The following SHISA9 variants were observed in gnomAD, a reference collection of about 807,000 sequenced individuals.
SHISA9 encodes the protein shisa family member 9, also known as protein shisa-9.
SHISA9 carries 13 observed loss-of-function variants against 38.0 expected under a neutral mutation model. The ratio of observed to expected loss-of-function variants is 0.34; its 90% confidence interval spans 0.22 to 0.54. SHISA9 has a LOEUF of 0.54. Among genes scored for constraint, SHISA9 ranks in the 20% least tolerant of loss-of-function variants. The pLI is 0.91. For synonymous variants in SHISA9, 275 were observed against 242.0 expected, an observed-to-expected ratio of 1.14 and a Z score of -1.27; for missense variants, 538 against 575.8, an observed-to-expected ratio of 0.93 and a Z score of 0.67.
At chr16:13,202,279 C>G (rs2051013318) in intron 2 of SHISA9, among the ~76,000 whole-genome samples, 1 of 130,648 alleles carries the variant, frequency 7.7e-6, no homozygotes, top group Non-Finnish European at 1.7e-5. Context: ...CCATCCAGCT[C>G]CACGGCTTTT....
the SHISA9 span, among the ~76,000 whole-genome samples, chr16:13,462,622 C>T: frequency 6.6e-6 from 1 of 151,850 alleles, no homozygotes; most frequent in East Asian, 1.9e-4. Context: ...GTCACGAGTT[C>T]GAAACCAGCC....
chr16:13,107,448 A>C (rs2073937143), intron 2 of SHISA9, among the ~76,000 whole-genome samples: 1 of 144,084 alleles, frequency 6.9e-6, no homozygotes, highest in Non-Finnish European at 1.5e-5. Flanking sequence ...AAAAACAAAC[A>C]AACAAACAAA....
intron 2 of SHISA9, chr16:13,203,086 T>G (rs2051021747): frequency 4.8e-6 from 1 of 207,408 alleles, no homozygotes; most frequent in Non-Finnish European, 9.6e-6. Context: ...TGGGCATCTT[T>G]TTATACAAAT....
chr16:13,120,265 T>G lies in SHISA9; in HGVS notation c.692-83129T>G, dbSNP rs2074072522. 1.3e-5 allele frequency among the ~76,000 whole-genome samples: 2 copies of G among 152,230 alleles called. 1 individual carries two copies. The highest frequency in any genetic ancestry group is 1.3e-4 in the Admixed American group (2 of 15,284). ...AACCCCATGGGGCTGTTGATAGTAG[T>G]GCAGTGAAAGCTGATAGATTCCATT... On this transcript the variant is annotated intron_variant, in intron 2 of 4. Coordinates refer to ENST00000558583, the MANE Select transcript of SHISA9 (RefSeq NM_001145204.3).
intron 2 of SHISA9, among the ~76,000 whole-genome samples, chr16:12,920,763 G>A (rs1173171970): frequency 2.0e-5 from 3 of 152,162 alleles, no homozygotes; most frequent in Admixed American, 6.5e-5. Context: ...AGAAATCAAC[G>A]TGAGTACTTT....
the SHISA9 span, among the ~76,000 whole-genome samples, chr16:13,357,363 A>C: frequency 6.6e-6 from 1 of 152,298 alleles, no homozygotes; most frequent in South Asian, 2.1e-4. Flanking sequence ...GCTAAGATTG[A>C]AAGGAGAAAG....
At chr16:13,159,944 A>G (rs1198374050) in intron 2 of SHISA9, among the ~76,000 whole-genome samples, 1 of 152,282 alleles carries the variant, frequency 6.6e-6, no homozygotes, top group Non-Finnish European at 1.5e-5. Context: ...AGTAAGTCAT[A>G]AAACCAACTA....
At chr16:12,955,633 T>TAAA (rs5815731) in intron 2 of SHISA9, among the ~76,000 whole-genome samples, 2 of 139,478 alleles carry the variant, frequency 1.4e-5, no homozygotes, top group African/African-American at 2.7e-5. Context: ...TTCAACAAAG[T>TAAA]AAAAAAAAAA....
chr16:13,390,027 A>G, the SHISA9 span, among the ~76,000 whole-genome samples: 1 of 152,232 alleles, frequency 6.6e-6, no homozygotes, highest in Non-Finnish European at 1.5e-5. Flanking sequence ...TGACAAGTGC[A>G]AAATATACGA....
the SHISA9 span, among the ~76,000 whole-genome samples, chr16:13,358,011 G>A: frequency 0.12 from 17,758 of 151,688 alleles, 1,386 homozygotes; most frequent in Non-Finnish European, 0.18. Flanking sequence ...ATATATATAC[G>A]TGCAGGTCAC....
chr16:13,528,886 GTGA>G, the SHISA9 span, among the ~76,000 whole-genome samples: 1 of 152,128 alleles, frequency 6.6e-6, no homozygotes, highest in South Asian at 2.1e-4. Context: ...GAACATGTAC[GTGA>G]TGATCAGACA....
intron 2 of SHISA9, among the ~76,000 whole-genome samples, chr16:12,971,177 G>A (rs887532752): frequency 2.0e-5 from 3 of 152,144 alleles, no homozygotes; most frequent in Non-Finnish European, 4.4e-5. Context: ...CTAAAACTTC[G>A]GGGCAAATAT....
intron 2 of SHISA9, among the ~76,000 whole-genome samples, chr16:13,023,678 T>A (rs1171005178): frequency 1.3e-5 from 2 of 152,198 alleles, no homozygotes; most frequent in African/African-American, 4.8e-5. Context: ...CTCTCCAGCA[T>A]CCGTTGTTTC....
the SHISA9 span, among the ~76,000 whole-genome samples, chr16:13,534,175 AC>A: frequency 6.7e-6 from 1 of 150,040 alleles, no homozygotes; most frequent in African/African-American, 2.5e-5. Context: ...ACAATGCCCC[AC>A]ATTCAAGAGT....
At chr16:13,375,943 G>A in the SHISA9 span, among the ~76,000 whole-genome samples, 117,080 of 152,036 alleles carry the variant, frequency 0.77, 45,396 homozygotes, top group East Asian at 0.96. Context: ...GGGGTTTCAA[G>A]TAGCAAAATA....
chr16:13,464,827 C>T, the SHISA9 span, among the ~76,000 whole-genome samples: 1 of 151,704 alleles, frequency 6.6e-6, no homozygotes, highest in East Asian at 1.9e-4. Flanking sequence ...ATGCCCACCC[C>T]CACCCCCCAC....
intron 3 of SHISA9, among the ~76,000 whole-genome samples, chr16:13,211,873 C>A (rs2051123221): frequency 6.6e-6 from 1 of 152,188 alleles, no homozygotes; most frequent in African/African-American, 2.4e-5. Flanking sequence ...GCCATCCACA[C>A]AGGAAGAATG....
At chr16:13,447,030 G>T in the SHISA9 span, among the ~76,000 whole-genome samples, 1 of 150,938 alleles carries the variant, frequency 6.6e-6, no homozygotes, top group Non-Finnish European at 1.5e-5. Flanking sequence ...TATGTGTGGG[G>T]CTGTAAAAAA....
chr16:13,448,121 C>T, the SHISA9 span, among the ~76,000 whole-genome samples: 6 of 152,216 alleles, frequency 3.9e-5, no homozygotes, highest in African/African-American at 1.4e-4. Context: ...CACCATCGGA[C>T]TTACTGCTTT....
Sources: gnomAD v4.1 joint callset for allele counts (sites outside exome capture counted in the v4.1 genomes callset) on GRCh38, gnomAD v4.1.1 for gene constraint, MANE v1.5 for transcripts, NCBI Gene and HGNC (gene_info 2026-07-23, HGNC 2026-07-21) for gene names.